The following LMNA variants were observed in gnomAD, a reference collection of about 807,000 sequenced individuals.
The protein encoded by LMNA is lamin.
Under a neutral mutation model 70.4 loss-of-function variants are expected in LMNA, and 20 were observed. The ratio of observed to expected loss-of-function variants is 0.28; its 90% CI spans 0.20 to 0.41. LMNA has a LOEUF of 0.41. Ranked by LOEUF, LMNA falls within the 10% of genes least tolerant of loss-of-function variation. The pLI is 1.00. For missense variants in LMNA, 652 were observed against 917.2 expected (o/e 0.71, Z 3.73); for synonymous variants, 339 against 372.8 (o/e 0.91, Z 1.04).
chr1:156,114,719 C>T lies in LMNA; in HGVS notation c.-200C>T. ...CCCGGCGTCGGTGACTCAGTGTTCGCGGGAGCGCCGCACCTACACCAGCCA... is the reference window on the plus strand; with the variant it reads ...CCCGGCGTCGGTGACTCAGTGTTCGTGGGAGCGCCGCACCTACACCAGCCA... On this transcript the variant is annotated 5_prime_UTR_variant, in exon 1 of 12. Coordinates refer to ENST00000368300, the MANE Select transcript of LMNA (RefSeq NM_170707.4). 1.8e-6 allele frequency: 1 copy of T among 563,844 alleles called. No homozygotes were observed. Among genetic ancestry groups the T allele is most frequent in the Admixed American group, 3.4e-5 (1 of 29,730 alleles). The allele number at this position is 563,844 out of a possible 1,614,324, so 34.9% of individuals were successfully genotyped here.
In LMNA at chr1:156,139,798, G is replaced by C; in HGVS notation, c.*692G>C. Reference sequence around the variant, plus strand: ...AGAGATGGGAATGAGGTGGGAGGTGGAAGAAGGGAGAAGAAAGGTGAGTTT... The same window carrying C: ...AGAGATGGGAATGAGGTGGGAGGTGCAAGAAGGGAGAAGAAAGGTGAGTTT... On this transcript the variant is annotated 3_prime_UTR_variant, in exon 12 of 12. Transcript: ENST00000368300. The C allele has an allele frequency of 1.3e-6, 2 of 1,532,878 alleles. No individual in the cohort carries two copies. The highest frequency in any genetic ancestry group is 1.7e-6 in the Non-Finnish European group (2 of 1,145,640). The allele number at this position is 1,532,878 out of a possible 1,614,324, so 95.0% of individuals were successfully genotyped here. A position where few individuals can be genotyped will look rare whatever the true frequency, so the allele number is the denominator to read the frequency against.
chr1:156,138,739 C>T lies in LMNA; in HGVS notation c.1950C>T (p.Asn650=). The T allele has an allele frequency of 1.2e-6, 2 of 1,613,480 alleles. No individual in the cohort carries two copies. Among genetic ancestry groups the T allele is most frequent in the Non-Finnish European group, 1.7e-6 (2 of 1,180,018 alleles). ...NLVTRSYLLG[N]SSPRTQSPQN... ...TCACCCGCTCCTACCTCCTGGGCAA[C>T]TCCAGCCCCCGAACCCAGGTGAGTT... Residue 650 remains asparagine, a synonymous_variant, in exon 11 of 12, where the codon AAC becomes AAT. Transcript: ENST00000368300. This position sits in a 1 kb window ranked among gnomAD's most constrained non-coding sequence, Gnocchi z 5.5.
At position 156,114,819 on chromosome 1, in the gene LMNA, C is replaced by A; in HGVS notation, c.-100C>A. Reference sequence around the variant, plus strand: ...CAGGAGCAAGCCGAGAGCCAGCCGGCCGGCGCACTCCGACTCCGAGCAGTC... The same window carrying A: ...CAGGAGCAAGCCGAGAGCCAGCCGGACGGCGCACTCCGACTCCGAGCAGTC... On this transcript the variant is annotated 5_prime_UTR_variant, in exon 1 of 12. Transcript: ENST00000368300. 1.2e-6 allele frequency: 1 copy of A among 815,100 alleles called. No homozygotes were observed. 50.5% of individuals were successfully genotyped at this position (815,100 alleles called of 1,614,324 possible).
rs1651760363 is a variant in LMNA, at chr1:156,137,481, T to G, written c.1609-173T>G. ...CTCCTACCCGGAGAGCTTGACAGTG[T>G]CCCTCTGGGGTGGAAATGAGTTCCT... On this transcript the variant is annotated intron_variant, in intron 9 of 11. Transcript: ENST00000368300. This position sits in a 1 kb window ranked among gnomAD's most constrained non-coding sequence, Gnocchi z 4.6. 1.3e-5 allele frequency: 10 copies of G among 785,766 alleles called. No homozygotes were observed. Among genetic ancestry groups the G allele is most frequent in the South Asian group, 9.1e-5 (6 of 65,992 alleles). 48.7% of individuals were successfully genotyped at this position (785,766 alleles called of 1,614,324 possible). A position where few individuals can be genotyped will look rare whatever the true frequency, so the allele number is the denominator to read the frequency against.
chr1:156,085,862 C>T (rs1370013764), intron 2 of LMNA, among the ~76,000 whole-genome samples: 3 of 152,120 alleles, frequency 2.0e-5, no homozygotes, highest in Non-Finnish European at 2.9e-5. Context: ...TCCAGACCAG[C>T]CTGGGCAACA....
chr1:156,127,629 C>T lies in LMNA; in HGVS notation c.357-2988C>T, dbSNP rs552858069. On this transcript the variant is annotated intron_variant, in intron 1 of 11. Transcript: ENST00000368300. ...CGCCTCCCAAGTTCAAGTGATCCTC[C>T]TACCTCAGCCTCCTCAGTAGCTGGG... 6.7e-5 allele frequency among the ~76,000 whole-genome samples: 10 copies of T among 150,062 alleles called. 1 individual carries two copies. The highest frequency in any genetic ancestry group is 1.5e-4 in the Non-Finnish European group (10 of 67,756).
intron 1 of LMNA, among the ~76,000 whole-genome samples, chr1:156,119,539 G>T (rs534474068): frequency 6.6e-6 from 1 of 152,346 alleles, no homozygotes; most frequent in South Asian, 2.1e-4. Context: ...GGATGTATAG[G>T]CATGAGCTAC....
intron 3 of LMNA, among the ~76,000 whole-genome samples, chr1:156,100,604 G>A (rs1649109655): frequency 6.6e-6 from 1 of 152,150 alleles, no homozygotes; most frequent in Non-Finnish European, 1.5e-5. Flanking sequence ...CAGATGAAGG[G>A]AGGCAGTGAA....
chr1:156,092,698 T>G (rs1200374483), intron 3 of LMNA, among the ~76,000 whole-genome samples: 1 of 149,792 alleles, frequency 6.7e-6, no homozygotes, highest in Admixed American at 6.6e-5. Context: ...AAAAAAAATG[T>G]GATCATGAAA....
chr1:156,115,135 G>A lies in LMNA; in HGVS notation c.217G>A (p.Glu73Lys). 2 of 1,609,184 alleles carry A rather than the reference G, an allele frequency of 1.2e-6. No homozygotes were observed. The highest frequency in any genetic ancestry group is 1.7e-6 in the Non-Finnish European group (2 of 1,177,988). The change falls in exon 1 of 12, where the codon GAG becomes AAG. Residue 73 changes from glutamate to lysine, a missense_variant. By Grantham distance (56) the Glu-to-Lys change is moderately conservative. This residue lies in a region of LMNA where 254 missense variants were observed against 421.9 expected (regional missense o/e 0.60). Transcript: ENST00000368300. This position sits in a 1 kb window ranked among gnomAD's most constrained non-coding sequence, Gnocchi z 5.8. ...ITESEEVVSR[E>K]VSGIKAAYEA... ...CGAGTCTGAAGAGGTGGTCAGCCGC[G>A]AGGTGTCCGGCATCAAGGCCGCCTA... is the stretch of plus-strand genomic sequence containing the variant.
chr1:156,134,952 C>G lies in LMNA; in HGVS notation c.787C>G (p.Leu263Val), dbSNP rs750246389. 6.2e-7 allele frequency: 1 copy of G among 1,614,200 alleles called. No homozygotes were observed. The highest frequency in any genetic ancestry group is 1.1e-5 in the South Asian group (1 of 91,084). ...CCAGGTGGAGCAGTATAAGAAGGAG[C>G]TGGAGAAGACTTATTCTGCCAAGGT... ...EDQVEQYKKE[L>V]EKTYSAKLDN... The change falls in exon 4 of 12, where the codon CTG becomes GTG. Residue 263 changes from leucine to valine, a missense_variant. By Grantham distance (32) the Leu-to-Val change is conservative (BLOSUM62 1). This residue lies in a region of LMNA where 254 missense variants were observed against 421.9 expected (regional missense o/e 0.60). Coordinates refer to ENST00000368300, the MANE Select transcript of LMNA (RefSeq NM_170707.4). This position sits in a 1 kb window ranked among gnomAD's most constrained non-coding sequence, Gnocchi z 5.3.
chr1:156,111,010 G>A (rs976933487), upstream of LMNA, among the ~76,000 whole-genome samples: 4 of 152,088 alleles, frequency 2.6e-5, no homozygotes, highest in Admixed American at 2.0e-4. Context: ...CCTGCTGTGT[G>A]CCAGGTGTTA....
rs1651518691 is a variant in LMNA at position 156,135,820 on chromosome 1, G to A, written c.937-81G>A. ...CAGATCCTGGAGAGAGTAGCCAGGT[G>A]TCTCCTACACCGACCCACGTCCCTC... On this transcript the variant is annotated intron_variant, in intron 5 of 11. Coordinates refer to ENST00000368300, the MANE Select transcript of LMNA (RefSeq NM_170707.4). This position sits in a 1 kb window ranked among gnomAD's most constrained non-coding sequence, Gnocchi z 4.8. 3.4e-6 allele frequency: 4 copies of A among 1,177,980 alleles called. No homozygotes were observed. Among genetic ancestry groups the A allele is most frequent in the Non-Finnish European group, 3.7e-6 (3 of 808,932 alleles). 73.0% of individuals were successfully genotyped at this position (1,177,980 alleles called of 1,614,324 possible).
At chr1:156,104,192 G>A (rs1182017691) in intron 3 of LMNA, among the ~76,000 whole-genome samples, 5 of 152,226 alleles carry the variant, frequency 3.3e-5, no homozygotes, top group Non-Finnish European at 7.3e-5. Context: ...ATCCCAAGAG[G>A]TGCGTGTATG....
At position 156,137,237 on chromosome 1, in the gene LMNA, G is replaced by A. The variant is rs267607539; in HGVS notation, c.1608+5G>A. On this transcript the variant is annotated splice_donor_5th_base_variant and intron_variant, in intron 9 of 11. Transcript: ENST00000368300. This position sits in a 1 kb window ranked among gnomAD's most constrained non-coding sequence, Gnocchi z 4.6. ...CTCATCAACTCCACTGGGGAAGTAA[G>A]TAGGCCTGGGCCTGGCTGCTTGCTG... is the stretch of plus-strand genomic sequence containing the variant. The A allele has an allele frequency of 6.4e-7, 1 of 1,571,216 alleles. No homozygotes were observed. The highest frequency in any genetic ancestry group is 8.6e-7 in the Non-Finnish European group (1 of 1,161,758).
rs986396882 is a variant in LMNA at position 156,135,814 on chromosome 1, C to G, written c.937-87C>G. 9.3e-7 allele frequency: 1 copy of G among 1,069,806 alleles called. No individual in the cohort carries two copies. The highest frequency in any genetic ancestry group is 1.6e-5 in the African/African-American group (1 of 63,950). 66.3% of individuals were successfully genotyped at this position (1,069,806 alleles called of 1,614,324 possible). A position where few individuals can be genotyped will look rare whatever the true frequency, so the allele number is the denominator to read the frequency against. ...TGATTGCAGATCCTGGAGAGAGTAG[C>G]CAGGTGTCTCCTACACCGACCCACG... is the stretch of plus-strand genomic sequence containing the variant. On this transcript the variant is annotated intron_variant, in intron 5 of 11. Transcript: ENST00000368300. The surrounding 1 kb of genome is among the most constrained non-coding windows in gnomAD (Gnocchi z 4.8).
At chr1:156,095,264 A>C (rs1008612177) in intron 3 of LMNA, among the ~76,000 whole-genome samples, 4 of 151,942 alleles carry the variant, frequency 2.6e-5, no homozygotes, top group Non-Finnish European at 5.9e-5. Flanking sequence ...TTGTGTGTTC[A>C]TGTTACTCGG....
chr1:156,088,217 CTAT>C (rs1386923013), intron 2 of LMNA, among the ~76,000 whole-genome samples: 2 of 152,112 alleles, frequency 1.3e-5, no homozygotes, highest in Non-Finnish European at 2.9e-5. Flanking sequence ...GTCTGTGTTG[CTAT>C]CTAACCACCG....
intron 1 of LMNA, chr1:156,126,439 C>T: frequency 3.2e-6 from 2 of 621,744 alleles, no homozygotes; most frequent in Non-Finnish European, 2.9e-6. Context: ...CTGTGGCCGG[C>T]CCTGGCTTCC....
Sources: gnomAD v4.1 joint callset for allele counts (sites outside exome capture counted in the v4.1 genomes callset) on GRCh38, gnomAD v4.1.1 for gene constraint, gnomAD v4.1.1 regional missense constraint, Gnocchi (gnomAD v3.1) non-coding constraint, MANE v1.5 for transcripts, NCBI Gene and HGNC (gene_info 2026-07-23, HGNC 2026-07-21) for gene names.